The following MBD5 variants were observed in gnomAD, a reference collection of about 807,000 sequenced individuals.
MBD5 encodes the protein methyl-CpG-binding domain protein 5.
In MBD5, 13 loss-of-function variants were observed where a neutral mutation model predicts 117.3. The ratio of observed to expected loss-of-function variants is 0.11; its 90% CI spans 0.07 to 0.18. The LOEUF is 0.18. Among genes scored for constraint, MBD5 ranks in the 10% least tolerant of loss-of-function variants. The pLI, the probability that MBD5 is intolerant of heterozygous loss-of-function variation, is 1.00. For synonymous variants in MBD5, 727 were observed against 766.4 expected (o/e 0.95, Z 0.85); for missense variants, 1,879 against 2,093.8 (o/e 0.90, Z 2.00).
At chr2:148,313,590 G>A (rs750894292) in intron 3 of MBD5, among the ~76,000 whole-genome samples, 12 of 152,320 alleles carry the variant, frequency 7.9e-5, no homozygotes, top group Non-Finnish European at 1.2e-4. Context: ...GTGGGAGTGG[G>A]ATCCACTGAG....
intron 3 of MBD5, among the ~76,000 whole-genome samples, chr2:148,324,904 T>C (rs1469488128): frequency 2.0e-5 from 3 of 152,188 alleles, no homozygotes; most frequent in South Asian, 2.1e-4. Context: ...GGAATCCCTG[T>C]CTTGTGCCTG....
intron 11 of MBD5, among the ~76,000 whole-genome samples, chr2:148,494,133 A>G (rs10928398): frequency 0.2 from 31,053 of 152,068 alleles, 4,888 homozygotes; most frequent in African/African-American, 0.44. Flanking sequence ...ATTAATTTAG[A>G]TTCCACCATT....
chr2:148,138,019 C>T (rs747288651), intron 1 of MBD5, among the ~76,000 whole-genome samples: 3 of 152,170 alleles, frequency 2.0e-5, no homozygotes, highest in Non-Finnish European at 4.4e-5. Context: ...TTAAGTGACA[C>T]ATGATGGTAT....
chr2:148,308,131 A>AT (rs1701938397), intron 3 of MBD5, among the ~76,000 whole-genome samples: 1 of 152,186 alleles, frequency 6.6e-6, no homozygotes, highest in Non-Finnish European at 1.5e-5. Context: ...TAATAGAGTG[A>AT]TATATAATCC....
intron 3 of MBD5, among the ~76,000 whole-genome samples, chr2:148,281,506 C>T (rs1477342996): frequency 6.6e-6 from 1 of 151,946 alleles, no homozygotes; most frequent in African/African-American, 2.4e-5. Flanking sequence ...TCCTTTACTT[C>T]TGTATGAATC....
chr2:148,382,712 A>T (rs945469074), intron 4 of MBD5, among the ~76,000 whole-genome samples: 3 of 152,232 alleles, frequency 2.0e-5, no homozygotes, highest in Non-Finnish European at 4.4e-5. Context: ...GAAGTAAAGC[A>T]CTCCTCAGCA....
intron 4 of MBD5, among the ~76,000 whole-genome samples, chr2:148,427,517 T>C (rs959822348): frequency 1.3e-5 from 2 of 152,080 alleles, no homozygotes; most frequent in Non-Finnish European, 2.9e-5. Flanking sequence ...GAAACCATCA[T>C]TCTCAGCAAA....
At chr2:148,408,300 C>A (rs1239022899) in intron 4 of MBD5, among the ~76,000 whole-genome samples, 1 of 152,088 alleles carries the variant, frequency 6.6e-6, no homozygotes, top group Non-Finnish European at 1.5e-5. Flanking sequence ...TTTTAACGTT[C>A]CTGAAGCCTC....
intron 1 of MBD5, among the ~76,000 whole-genome samples, chr2:148,036,894 C>T (rs1694209016): frequency 1.3e-5 from 2 of 151,896 alleles, no homozygotes; most frequent in African/African-American, 4.8e-5. Flanking sequence ...GAGTGTGTAA[C>T]TCATAAGTTT....
intron 11 of MBD5, among the ~76,000 whole-genome samples, chr2:148,497,666 T>G (rs981804356): frequency 4.6e-5 from 7 of 151,928 alleles, no homozygotes; most frequent in Non-Finnish European, 8.8e-5. Context: ...ACCCCTATAA[T>G]TCTAGCTACT....
At chr2:148,447,966 T>C (rs1037912380) in intron 4 of MBD5, among the ~76,000 whole-genome samples, 1 of 152,078 alleles carries the variant, frequency 6.6e-6, no homozygotes, top group Non-Finnish European at 1.5e-5. Context: ...TCTAAAACAC[T>C]CTATGCCTCA....
chr2:148,453,566 T>C (rs532723469), intron 4 of MBD5, among the ~76,000 whole-genome samples: 2 of 152,180 alleles, frequency 1.3e-5, no homozygotes, highest in Non-Finnish European at 1.5e-5. Context: ...AAATCTTTAA[T>C]TTTTGACCTA....
chr2:148,396,682 T>A (rs754483070), intron 4 of MBD5, among the ~76,000 whole-genome samples: 5 of 152,176 alleles, frequency 3.3e-5, no homozygotes, highest in Non-Finnish European at 7.3e-5. Context: ...TGGCTTCCAG[T>A]TGGGTTTGGC....
chr2:148,441,540 A>G (rs1197724430), intron 4 of MBD5, among the ~76,000 whole-genome samples: 2 of 152,180 alleles, frequency 1.3e-5, no homozygotes, highest in Non-Finnish European at 2.9e-5. Context: ...AGTCTTTGCT[A>G]TTGTGAATAG....
chr2:148,312,149 G>A (rs567147642), intron 3 of MBD5, among the ~76,000 whole-genome samples: 27 of 152,138 alleles, frequency 1.8e-4, no homozygotes, highest in African/African-American at 6.5e-4. Flanking sequence ...TTCTCAAGGA[G>A]TATCTTTGTG....
At chr2:148,340,561 A>G (rs1485006093) in intron 3 of MBD5, among the ~76,000 whole-genome samples, 1 of 152,114 alleles carries the variant, frequency 6.6e-6, no homozygotes, top group East Asian at 1.9e-4. Flanking sequence ...TGATATCGAT[A>G]TGTAGTGTTT....
At chr2:148,221,063 A>G (rs1699674516) in intron 2 of MBD5, among the ~76,000 whole-genome samples, 1 of 152,156 alleles carries the variant, frequency 6.6e-6, no homozygotes, top group African/African-American at 2.4e-5. Flanking sequence ...TTAACTTAGC[A>G]TAATGACCTC....
chr2:148,505,716 G>A (rs577121290), intron 12 of MBD5, among the ~76,000 whole-genome samples: 13 of 152,240 alleles, frequency 8.5e-5, no homozygotes, highest in African/African-American at 1.2e-4. Flanking sequence ...GAAAAATAAC[G>A]AAGAAAGAAT....
intron 1 of MBD5, among the ~76,000 whole-genome samples, chr2:148,059,474 A>G (rs1270613766): frequency 6.6e-6 from 1 of 152,220 alleles, no homozygotes; most frequent in Non-Finnish European, 1.5e-5. Context: ...ACTGTTAGCT[A>G]TGTAAATATA....
Sources: gnomAD v4.1 joint callset for allele counts (sites outside exome capture counted in the v4.1 genomes callset) on GRCh38, gnomAD v4.1.1 for gene constraint, MANE v1.5 for transcripts, NCBI Gene and HGNC (gene_info 2026-07-23, HGNC 2026-07-21) for gene names.